The following MLLT10 variants were observed in gnomAD, a reference collection of about 807,000 sequenced individuals.
The protein encoded by MLLT10 is MLLT10 histone lysine methyltransferase DOT1L cofactor.
A neutral mutation model predicts 129.1 loss-of-function variants in MLLT10; 30 were observed. The observed-to-expected ratio is 0.23, with a 90% CI of 0.17 to 0.32. The LOEUF (loss-of-function observed/expected upper bound fraction) is 0.32. Ranked by LOEUF, MLLT10 falls within the 10% of genes least tolerant of loss-of-function variation. MLLT10 has a pLI of 1.00. For synonymous variants in MLLT10, 490 were observed against 446.4 expected, an observed-to-expected ratio of 1.10 and a Z score of -1.23; for missense variants, 1,119 against 1,268.3, an observed-to-expected ratio of 0.88 and a Z score of 1.79.
chr10:21,558,483 A>G (rs967090295), intron 3 of MLLT10, among the ~76,000 whole-genome samples: 7 of 151,836 alleles, frequency 4.6e-5, no homozygotes, highest in African/African-American at 1.7e-4. Context: ...TCAAAATATG[A>G]TCATGGGCTT....
intron 4 of MLLT10, among the ~76,000 whole-genome samples, chr10:21,590,421 A>T (rs986887473): frequency 6.6e-6 from 1 of 151,506 alleles, no homozygotes; most frequent in Non-Finnish European, 1.5e-5. Flanking sequence ...CTCACTGCAG[A>T]CTTCACCTCC....
chr10:21,677,954 A>G (rs1476851924), intron 11 of MLLT10, among the ~76,000 whole-genome samples: 1 of 152,214 alleles, frequency 6.6e-6, no homozygotes, highest in Admixed American at 6.5e-5. Context: ...GTAAACGTTA[A>G]ACATTATTTT....
At chr10:21,541,132 C>G (rs1294751581) in intron 3 of MLLT10, 3 of 152,114 alleles carry the variant, frequency 2.0e-5, no homozygotes, top group African/African-American at 4.8e-5. Flanking sequence ...TGCACTCCAG[C>G]CTGGGCGACA....
At chr10:21,651,271 C>T (rs940165616) in intron 8 of MLLT10, among the ~76,000 whole-genome samples, 8 of 152,002 alleles carry the variant, frequency 5.3e-5, no homozygotes, top group African/African-American at 7.2e-5. Context: ...GGGGTTTCAC[C>T]GTGTTGGTCA....
At chr10:21,573,633 C>A (rs942235377) in intron 3 of MLLT10, among the ~76,000 whole-genome samples, 2 of 150,876 alleles carry the variant, frequency 1.3e-5, no homozygotes, top group Non-Finnish European at 2.9e-5. Flanking sequence ...GTGGCACAAT[C>A]TCTGCTCAGT....
intron 5 of MLLT10, among the ~76,000 whole-genome samples, chr10:21,606,233 T>C (rs528067434): frequency 1.1e-4 from 17 of 152,320 alleles, no homozygotes; most frequent in Non-Finnish European, 2.4e-4. Context: ...CAATATTGAA[T>C]GTAGGCCAAT....
chr10:21,544,113 T>C (rs1387930294), intron 3 of MLLT10, among the ~76,000 whole-genome samples: 1 of 152,212 alleles, frequency 6.6e-6, no homozygotes, highest in East Asian at 1.9e-4. Flanking sequence ...ATATTATTCT[T>C]ACTTTATGGG....
chr10:21,625,985 T>C, intron 8 of MLLT10: 1 of 919,822 alleles, frequency 1.1e-6, no homozygotes, highest in South Asian at 1.3e-5. Flanking sequence ...GTACACACTG[T>C]TTGGTGGAGG....
rs139092063 is a variant in MLLT10 at position 21,545,564 on chromosome 10, A to G, written c.240+6652A>G. 9.2e-3 allele frequency among the ~76,000 whole-genome samples: 1,405 copies of G among 152,260 alleles called. 16 individuals are homozygous for G. Among genetic ancestry groups the G allele is most frequent in the African/African-American group, 0.032 (1,324 of 41,548 alleles). On this transcript the variant is annotated intron_variant, in intron 3 of 22. Coordinates refer to ENST00000307729, the MANE Select transcript of MLLT10 (RefSeq NM_001195626.3). ...AATTAAAGGAGATGAGGTTGAGGAA[A>G]GTTTGGTTTTTAAGGGAAGTTCTTT...
chr10:21,730,309 G>GAAAAA (rs10568793), intron 16 of MLLT10, among the ~76,000 whole-genome samples: 1 of 122,846 alleles, frequency 8.1e-6, no homozygotes, highest in Non-Finnish European at 1.7e-5. Flanking sequence ...CTCCAAAAAT[G>GAAAAA]AAAAAAAAAA....
At chr10:21,601,592 A>T (rs1480286552) in intron 5 of MLLT10, among the ~76,000 whole-genome samples, 2 of 152,152 alleles carry the variant, frequency 1.3e-5, no homozygotes, top group Admixed American at 1.3e-4. Flanking sequence ...GTGGACAGTT[A>T]TGTCTCACGA....
At chr10:21,645,185 C>G (rs965489390) in intron 8 of MLLT10, among the ~76,000 whole-genome samples, 13 of 152,148 alleles carry the variant, frequency 8.5e-5, no homozygotes, top group African/African-American at 3.1e-4. Flanking sequence ...GTAGCTCAGT[C>G]TAGGGCAATT....
intron 21 of MLLT10, among the ~76,000 whole-genome samples, chr10:21,737,875 G>T (rs2058503733): frequency 6.6e-6 from 1 of 152,146 alleles, no homozygotes; most frequent in Admixed American, 6.5e-5. Context: ...GTACTATTTT[G>T]CTGCAGTCAA....
intron 13 of MLLT10, among the ~76,000 whole-genome samples, chr10:21,686,749 G>A (rs1295089010): frequency 6.6e-6 from 1 of 152,078 alleles, no homozygotes; most frequent in African/African-American, 2.4e-5. Context: ...TTGGGAGGCC[G>A]AGGTGGCAGA....
At chr10:21,741,154 T>G (rs1280269327) in intron 22 of MLLT10, among the ~76,000 whole-genome samples, 2 of 152,228 alleles carry the variant, frequency 1.3e-5, no homozygotes, top group East Asian at 3.8e-4. Flanking sequence ...CTTCAGTGCT[T>G]TCTGTCTGCC....
intron 8 of MLLT10, among the ~76,000 whole-genome samples, chr10:21,622,117 G>C (rs946909883): frequency 1.3e-5 from 2 of 151,046 alleles, no homozygotes; most frequent in Non-Finnish European, 3.0e-5. Flanking sequence ...CTTCGAATAA[G>C]GGATAGTTTG....
intron 15 of MLLT10, among the ~76,000 whole-genome samples, chr10:21,726,856 C>G (rs2057556096): frequency 6.6e-6 from 1 of 151,886 alleles, no homozygotes; most frequent in South Asian, 2.1e-4. Context: ...TAGCCTAAAC[C>G]TTTATTTGCA....
chr10:21,670,795 T>C (rs1170464225), intron 10 of MLLT10, 91 bp downstream of exon 10: 7 of 1,339,786 alleles, frequency 5.2e-6, no homozygotes, highest in Admixed American at 4.8e-5. Flanking sequence ...TTTGAACTTA[T>C]AACTAATGGA....
chr10:21,632,972 A>G (rs1303322682), intron 8 of MLLT10, among the ~76,000 whole-genome samples: 1 of 152,226 alleles, frequency 6.6e-6, no homozygotes, highest in Non-Finnish European at 1.5e-5. Context: ...TAAACATGGC[A>G]TGTCAAAGAA....
Sources: allele counts gnomAD v4.1 joint callset (sites outside exome capture counted in the v4.1 genomes callset), GRCh38; gene constraint gnomAD v4.1.1; transcripts MANE v1.5; gene names NCBI Gene and HGNC (gene_info 2026-07-23, HGNC 2026-07-21).